The following SH3RF2 variants were observed in gnomAD, a reference collection of about 807,000 sequenced individuals.
SH3RF2 encodes E3 ubiquitin-protein ligase SH3RF2.
SH3RF2 carries 43 observed loss-of-function variants against 59.0 expected under a neutral mutation model. The observed-to-expected ratio is 0.73, with a 90% CI of 0.57 to 0.94. The LOEUF (loss-of-function observed/expected upper bound fraction) is 0.94. Among genes scored for constraint, SH3RF2 ranks in the 40% least tolerant of loss-of-function variants. SH3RF2 has a pLI of 0.00. For synonymous variants in SH3RF2, 391 were observed against 391.5 expected (o/e 1.00, Z 0.01); for missense variants, 930 against 940.1 (o/e 0.99, Z 0.14).
In SH3RF2 at chr5:145,943,737, G is replaced by A. The variant is rs191070184; in HGVS notation, c.378+5431G>A. On this transcript the variant is annotated intron_variant, in intron 2 of 9. Transcript: ENST00000359120. The stretch of plus-strand genomic sequence containing the variant: ...TTTTGTTTTTGTTTTATCAGTTAAA[G>A]GTGTCTGGCCAAGCAGTGGACAAAC... 4.2e-3 allele frequency among the ~76,000 whole-genome samples: 643 copies of A among 152,002 alleles called. 5 individuals carry two copies. Among genetic ancestry groups the A allele is most frequent in the African/African-American group, 0.015 (627 of 41,488 alleles).
chr5:145,971,991 A>G (rs922885576), intron 2 of SH3RF2, among the ~76,000 whole-genome samples: 3 of 152,168 alleles, frequency 2.0e-5, no homozygotes, highest in African/African-American at 7.2e-5. Flanking sequence ...ACTGTATGAG[A>G]TTGATGTTAT....
Position 146,056,200 on chromosome 5 carries a change from C to G in SH3RF2, c.1542C>G (p.Ser514Arg). ...LGQGSLRKGR[S>R]SMRKNGSLQR... ...AAGGGTCTCTTCGGAAAGGGCGGAG[C>G]AGCATGAGAAAGAGTAAGTGGTGGC... The change falls in exon 8 of 10, where the codon AGC (serine) becomes AGG (arginine). Residue 514 changes from serine (S) to arginine (R), a missense_variant. Coordinates refer to ENST00000359120, the MANE Select transcript of SH3RF2 (RefSeq NM_152550.4). The G allele has an allele frequency of 6.2e-7, 1 of 1,614,192 alleles. No homozygotes were observed. The highest frequency in any genetic ancestry group is 8.5e-7 in the Non-Finnish European group (1 of 1,180,036).
chr5:146,044,071 T>C (rs529216973), intron 5 of SH3RF2, among the ~76,000 whole-genome samples: 1 of 152,302 alleles, frequency 6.6e-6, no homozygotes, highest in East Asian at 1.9e-4. Context: ...TGCATTCCCA[T>C]TGGAAGGGTA....
chr5:146,047,862 A>G lies in SH3RF2; in HGVS notation c.1150A>G (p.Met384Val), dbSNP rs1235046650. Reference protein sequence around the residue: ...PGSQQHLSANMFVALHSYSAH... With the variant: ...PGSQQHLSANVFVALHSYSAH... Reference sequence around the variant, plus strand: ...CTCCCAGCAACACCTCTCAGCGAACATGTGAGTAAAAGGCTCATCCCTTCA... The same window carrying G: ...CTCCCAGCAACACCTCTCAGCGAACGTGTGAGTAAAAGGCTCATCCCTTCA... The change falls in exon 6 of 10, where the codon ATG (methionine) becomes GTG (valine). Residue 384 changes from methionine to valine, a missense_variant and splice_region_variant. Met to Val is a conservative substitution (Grantham distance 21). Transcript: ENST00000359120. The G allele has an allele frequency of 1.2e-6, 2 of 1,613,956 alleles. No individual in the cohort carries two copies. The highest frequency in any genetic ancestry group is 3.3e-5 in the Admixed American group (2 of 60,026).
In SH3RF2 at chr5:146,061,081, C is replaced by T. The variant is rs375944338; in HGVS notation, c.1914+857C>T. Among the ~76,000 whole-genome samples the T allele has an allele frequency of 9.8e-5, 15 of 152,298 alleles. No homozygotes were observed. In the East Asian group the frequency reaches 1.7e-3, roughly 18 times the overall value. Reference sequence around the variant, plus strand: ...TTCCCCTCAGAACGGAAAGAGGATGCGATTCCCCCATTGGTTAACCAGTTA... The same window carrying T: ...TTCCCCTCAGAACGGAAAGAGGATGTGATTCCCCCATTGGTTAACCAGTTA... On this transcript the variant is annotated intron_variant, in intron 9 of 9. Transcript: ENST00000359120.
At chr5:146,075,473 C>G (rs966656062) in intron 9 of SH3RF2, among the ~76,000 whole-genome samples, 6 of 152,208 alleles carry the variant, frequency 3.9e-5, no homozygotes, top group Non-Finnish European at 8.8e-5. Context: ...CCCAGGCAAT[C>G]TGGCTCCAGT....
At chr5:146,012,087 T>C (rs1361358642) in intron 4 of SH3RF2, among the ~76,000 whole-genome samples, 1 of 152,034 alleles carries the variant, frequency 6.6e-6, no homozygotes, top group African/African-American at 2.4e-5. Flanking sequence ...GTTTTTAGCA[T>C]GAAGGGCTGT....
chr5:145,993,025 A>G (rs567305503), intron 2 of SH3RF2, among the ~76,000 whole-genome samples: 17 of 152,284 alleles, frequency 1.1e-4, no homozygotes, highest in African/African-American at 3.9e-4. Flanking sequence ...AACTTACTAG[A>G]TACAGTGGGG....
intron 3 of SH3RF2, among the ~76,000 whole-genome samples, chr5:146,000,869 G>A (rs995511330): frequency 6.6e-6 from 1 of 152,148 alleles, no homozygotes; most frequent in Non-Finnish European, 1.5e-5. Flanking sequence ...ACCGATACAT[G>A]GACAGAAAAT....
At chr5:146,056,859 A>G (rs1762689475) in intron 8 of SH3RF2, among the ~76,000 whole-genome samples, 1 of 152,204 alleles carries the variant, frequency 6.6e-6, no homozygotes, top group African/African-American at 2.4e-5. Context: ...TATTTTTACC[A>G]TCATAACATC....
chr5:145,971,367 A>G (rs977020551), intron 2 of SH3RF2, among the ~76,000 whole-genome samples: 62 of 152,116 alleles, frequency 4.1e-4, no homozygotes, highest in African/African-American at 1.4e-3. Context: ...TGGTTACTGG[A>G]GCTAGTTGAG....
intron 2 of SH3RF2, among the ~76,000 whole-genome samples, chr5:145,983,625 T>C (rs979318866): frequency 6.6e-6 from 1 of 152,156 alleles, no homozygotes; most frequent in Non-Finnish European, 1.5e-5. Flanking sequence ...AGGCCAGCGA[T>C]AAATTGGGTT....
intron 2 of SH3RF2, among the ~76,000 whole-genome samples, chr5:145,944,713 A>C (rs1757946254): frequency 6.6e-6 from 1 of 152,206 alleles, no homozygotes; most frequent in Admixed American, 6.5e-5. Flanking sequence ...GTGAGAGCTT[A>C]ATAAGAAACA....
At chr5:145,982,890 A>G (rs1759557986) in intron 2 of SH3RF2, among the ~76,000 whole-genome samples, 1 of 152,218 alleles carries the variant, frequency 6.6e-6, no homozygotes, top group African/African-American at 2.4e-5. Context: ...GGTGGAGTGT[A>G]GAAAGAATAT....
chr5:145,963,165 G>C (rs1758700344), intron 2 of SH3RF2, among the ~76,000 whole-genome samples: 1 of 151,706 alleles, frequency 6.6e-6, no homozygotes, highest in Non-Finnish European at 1.5e-5. Flanking sequence ...CCAAAGTGCT[G>C]GGATTACAGG....
chr5:146,075,672 A>G (rs768258036), intron 9 of SH3RF2, among the ~76,000 whole-genome samples: 3 of 150,162 alleles, frequency 2.0e-5, no homozygotes, highest in South Asian at 2.2e-4. Context: ...TTAGCTGGGC[A>G]TGGTAGTGGG....
At chr5:146,061,342 T>C (rs1316454131) in intron 9 of SH3RF2, among the ~76,000 whole-genome samples, 1 of 152,134 alleles carries the variant, frequency 6.6e-6, no homozygotes, top group Non-Finnish European at 1.5e-5. Flanking sequence ...TATCAGCTCA[T>C]AGGGAAAGGT....
At chr5:146,036,402 T>C (rs1761938144) in intron 5 of SH3RF2, among the ~76,000 whole-genome samples, 1 of 152,036 alleles carries the variant, frequency 6.6e-6, no homozygotes, top group Non-Finnish European at 1.5e-5. Context: ...AAATAAAAAT[T>C]GTTTTTATAT....
chr5:146,080,747 C>G (rs1443551961), exon 10 of SH3RF2: 1 of 152,166 alleles, frequency 6.6e-6, no homozygotes, highest in Non-Finnish European at 1.5e-5. Context: ...GTTGTTTACC[C>G]ACATGGAGTC....
Sources: gnomAD v4.1 joint callset for allele counts (sites outside exome capture counted in the v4.1 genomes callset) on GRCh38, gnomAD v4.1.1 for gene constraint, MANE v1.5 for transcripts, NCBI Gene and HGNC (gene_info 2026-07-23, HGNC 2026-07-21) for gene names.